Variants in TFDP1 observed in about 807,000 individuals in gnomAD.
TFDP1 encodes DRTF1-polypeptide 1.
A neutral mutation model predicts 48.0 loss-of-function variants in TFDP1; 6 were observed. That is an observed-to-expected ratio of 0.13 (90% CI 0.07 to 0.25). The LOEUF (loss-of-function observed/expected upper bound fraction) is 0.25, where lower values mean the gene tolerates loss of function less well. Among genes scored for constraint, TFDP1 ranks in the 10% least tolerant of loss-of-function variants. TFDP1 has a pLI of 1.00. For missense variants in TFDP1, 335 were observed against 543.0 expected (o/e 0.62, Z 3.81); for synonymous variants, 201 against 211.6 (o/e 0.95, Z 0.44).
In TFDP1 at chr13:113,607,054, C is replaced by T. The variant is rs551853594; in HGVS notation, c.13-3942C>T. ...AAGTCATGCCTCTGAGTCCGTGGTT[C>T]TTAGCTGAGGGTGGCTTTGCAGTGT... On this transcript the variant is annotated intron_variant, in intron 2 of 11. Coordinates refer to ENST00000375370, the MANE Select transcript of TFDP1 (RefSeq NM_007111.5). This position sits in a 1 kb window ranked among gnomAD's most constrained non-coding sequence, Gnocchi z 5.2. Among the ~76,000 whole-genome samples the T allele has an allele frequency of 7.9e-5, 12 of 152,374 alleles. No individual in the cohort carries two copies. In the East Asian group the frequency reaches 2.1e-3, roughly 27 times the overall value.
At position 113,598,174 on chromosome 13, in the gene TFDP1, G is replaced by A. The variant is rs2048330568; in HGVS notation, c.12+12325G>A. Among the ~76,000 whole-genome samples, 2 of 152,106 alleles carry A rather than the reference G, an allele frequency of 1.3e-5. No homozygotes were observed. Among genetic ancestry groups the A allele is most frequent in the Admixed American group, 1.3e-4 (2 of 15,276 alleles). ...CTCTACTCCCCACCACCCCAGCCCT[G>A]GAAAACCGTGCCTGCCAGGTTCATA... is the stretch of plus-strand genomic sequence containing the variant. On this transcript the variant is annotated intron_variant, in intron 2 of 11. Coordinates refer to ENST00000375370, the MANE Select transcript of TFDP1 (RefSeq NM_007111.5). The surrounding 1 kb of genome is among the most constrained non-coding windows in gnomAD (Gnocchi z 4.2).
chr13:113,609,218 G>C (rs1266906758), intron 2 of TFDP1, among the ~76,000 whole-genome samples: 1 of 152,214 alleles, frequency 6.6e-6, no homozygotes, highest in Non-Finnish European at 1.5e-5. Flanking sequence ...CCGTCTGTGG[G>C]CCCCTGGGGG....
chr13:113,628,934 C>G (rs1448629361), intron 4 of TFDP1, among the ~76,000 whole-genome samples: 2 of 152,220 alleles, frequency 1.3e-5, no homozygotes, highest in East Asian at 3.9e-4. Flanking sequence ...TGGAAGGCGT[C>G]CTGTGGCACA....
chr13:113,637,276 CCTTCT>C (rs556381275), intron 10 of TFDP1: 12 of 261,354 alleles, frequency 4.6e-5, no homozygotes, highest in Non-Finnish European at 9.0e-5. Flanking sequence ...ATCTGCTGAT[CCTTCT>C]CTTGTTAGCC....
chr13:113,632,150 C>A (rs897356429), intron 5 of TFDP1, among the ~76,000 whole-genome samples: 1 of 152,248 alleles, frequency 6.6e-6, no homozygotes, highest in Non-Finnish European at 1.5e-5. Flanking sequence ...GGGGTTACGG[C>A]CCCCGCGGGT....
At chr13:113,639,195 G>A (rs932230530) in intron 11 of TFDP1, among the ~76,000 whole-genome samples, 8 of 152,170 alleles carry the variant, frequency 5.3e-5, no homozygotes, top group East Asian at 1.9e-4. Context: ...AACGTGTGGC[G>A]GTCAGTCTGT....
At position 113,635,916 on chromosome 13, in the gene TFDP1, G is replaced by A. The variant is rs563808906; in HGVS notation, c.688-61G>A. 69 of 1,567,076 alleles carry A rather than the reference G, an allele frequency of 4.4e-5. No individual in the cohort carries two copies. In the East Asian group the frequency reaches 6.7e-4, roughly 15 times the overall value. On this transcript the variant is annotated intron_variant, in intron 8 of 11. Transcript: ENST00000375370. ...GCAGGGAGGGCTGTGAGGACCCCTC[G>A]AGCACAGGGGCTGCGTTCTTGTGCC...
intron 2 of TFDP1, among the ~76,000 whole-genome samples, chr13:113,594,981 A>C (rs1027157703): frequency 6.6e-6 from 1 of 152,172 alleles, no homozygotes; most frequent in Non-Finnish European, 1.5e-5. Context: ...GTGTGTAATA[A>C]AGGCAGCTTT....
intron 7 of TFDP1, chr13:113,634,246 C>T (rs759913065): frequency 1.4e-6 from 1 of 712,734 alleles, no homozygotes; most frequent in African/African-American, 1.8e-5. Context: ...CTGTTAAACT[C>T]TAGTGTAGGT....
At chr13:113,605,963 C>T (rs1388313161) in intron 2 of TFDP1, among the ~76,000 whole-genome samples, 25 of 130,462 alleles carry the variant, frequency 1.9e-4, no homozygotes, top group East Asian at 7.2e-4. Flanking sequence ...TGAGTGTCCG[C>T]AGGGGATCCT....
rs891436087 is a variant in TFDP1, at chr13:113,633,764, G to A, written c.475-126G>A. 3.3e-5 allele frequency: 39 copies of A among 1,173,324 alleles called. No homozygotes were observed. In the African/African-American group the frequency reaches 6.0e-4, roughly 18 times the overall value. 72.7% of individuals were successfully genotyped at this position (1,173,324 alleles called of 1,614,324 possible). A position where few individuals can be genotyped will look rare whatever the true frequency, so the allele number is the denominator to read the frequency against. On this transcript the variant is annotated intron_variant, in intron 6 of 11. Transcript: ENST00000375370. The surrounding 1 kb of genome is among the most constrained non-coding windows in gnomAD (Gnocchi z 4.5). Reference sequence around the variant, plus strand: ...CATCTGTGGGGTGGGAGCGCTCCCTGAGGGCATGTTGGGGTGGCGGCTCCG... The same window carrying A: ...CATCTGTGGGGTGGGAGCGCTCCCTAAGGGCATGTTGGGGTGGCGGCTCCG...
chr13:113,607,575 C>G lies in TFDP1; in HGVS notation c.13-3421C>G, dbSNP rs567812108. On this transcript the variant is annotated intron_variant, in intron 2 of 11. Transcript: ENST00000375370. This position sits in a 1 kb window ranked among gnomAD's most constrained non-coding sequence, Gnocchi z 5.2. ...CTGCCGTCACTGTGTGCTGCGCATG[C>G]CCTGCAGTTACCCCAGAGCTTTATG... 6.6e-6 allele frequency among the ~76,000 whole-genome samples: 1 copy of G among 152,346 alleles called. No homozygotes were observed. The highest frequency in any genetic ancestry group is 2.4e-5 in the African/African-American group (1 of 41,576).
At chr13:113,630,043 T>C (rs12428925) in intron 4 of TFDP1, among the ~76,000 whole-genome samples, 74,558 of 151,720 alleles carry the variant, frequency 0.49, 20,885 homozygotes, top group African/African-American at 0.77. Context: ...GAATGGCATC[T>C]GCTGAACTCA....
At chr13:113,630,166 C>T (rs2049297164) in intron 4 of TFDP1, among the ~76,000 whole-genome samples, 1 of 151,866 alleles carries the variant, frequency 6.6e-6, no homozygotes, top group African/African-American at 2.4e-5. Flanking sequence ...CACACACACA[C>T]ACACACACAC....
chr13:113,635,656 T>G (rs1480641102), intron 8 of TFDP1, among the ~76,000 whole-genome samples: 1 of 152,196 alleles, frequency 6.6e-6, no homozygotes, highest in African/African-American at 2.4e-5. Context: ...TAGGTGGTCT[T>G]AGAGGGGTGA....
intron 3 of TFDP1, among the ~76,000 whole-genome samples, chr13:113,613,422 G>T (rs1158858358): frequency 6.6e-6 from 1 of 152,226 alleles, no homozygotes; most frequent in Non-Finnish European, 1.5e-5. Context: ...TTCTGTCCAT[G>T]CAGGTGAGCA....
intron 5 of TFDP1, 145 bp from the exon 6 acceptor site, chr13:113,632,975 T>G: frequency 1.1e-6 from 1 of 945,066 alleles, no homozygotes; most frequent in Non-Finnish European, 1.6e-6. Context: ...GGTCCTGGCC[T>G]GCTCACGTGT....
chr13:113,631,179 A>G (rs1183396964), intron 4 of TFDP1, among the ~76,000 whole-genome samples: 3 of 152,220 alleles, frequency 2.0e-5, no homozygotes, highest in African/African-American at 2.4e-5. Context: ...AGAAGGATAC[A>G]ATTTCATCCT....
In TFDP1 at chr13:113,640,210, C is replaced by T. The variant is rs748941416; in HGVS notation, c.1176C>T (p.Tyr392=). 24 of 1,613,340 alleles carry T rather than the reference C, an allele frequency of 1.5e-5. No homozygotes were observed. The highest frequency in any genetic ancestry group is 1.7e-5 in the Non-Finnish European group (20 of 1,179,748). ...SGSRVETPVS[Y]VGEDDEEDDD... ...CCAGGGTGGAGACTCCGGTGTCCTA[C>T]GTCGGGGAGGACGACGAGGAGGACG... Residue 392 remains tyrosine, a synonymous_variant, in exon 12 of 12, where the codon TAC becomes TAT. Transcript: ENST00000375370.
Sources: gnomAD v4.1 joint callset for allele counts (sites outside exome capture counted in the v4.1 genomes callset) on GRCh38, gnomAD v4.1.1 for gene constraint, Gnocchi (gnomAD v3.1) non-coding constraint, MANE v1.5 for transcripts, NCBI Gene and HGNC (gene_info 2026-07-23, HGNC 2026-07-21) for gene names.